The following LAMA1 variants were observed in gnomAD, a reference collection of about 807,000 sequenced individuals.
LAMA1 encodes the protein laminin subunit alpha-1.
Under a neutral mutation model 348.7 loss-of-function variants are expected in LAMA1, and 219 were observed. The observed-to-expected ratio is 0.63, with a 90% CI of 0.56 to 0.70. The LOEUF (loss-of-function observed/expected upper bound fraction) is 0.70. Ranked by LOEUF, LAMA1 falls within the 30% of genes least tolerant of loss-of-function variation. The pLI is 0.00. For missense variants in LAMA1, 3,744 were observed against 3,888.0 expected, an observed-to-expected ratio of 0.96 and a Z score of 0.99; for synonymous variants, 1,487 against 1,491.0, an observed-to-expected ratio of 1.00 and a Z score of 0.06.
At chr18:6,956,944 T>A in intron 55 of LAMA1, 179 bp from the exon 56 acceptor site, 1 of 679,752 alleles carries the variant, frequency 1.5e-6, no homozygotes, top group South Asian at 1.7e-5. Flanking sequence ...TATCTTAATA[T>A]TTCTTGTCTG....
At chr18:6,990,893 G>C (rs745872199) in intron 36 of LAMA1, among the ~76,000 whole-genome samples, 15 of 152,080 alleles carry the variant, frequency 9.9e-5, no homozygotes, top group African/African-American at 9.7e-5. Flanking sequence ...GCTTAACATA[G>C]GGCAAGTTAC....
intron 29 of LAMA1, 43 bp from the exon 30 acceptor site, chr18:7,002,428 T>G: frequency 6.2e-7 from 1 of 1,607,788 alleles, no homozygotes; most frequent in South Asian, 1.1e-5. Context: ...AATGGGAAAT[T>G]GTTAGAAATC....
chr18:6,956,699 TTC>T lies in LAMA1; in HGVS notation c.8029_8030del (p.Glu2677LysfsTer3). On this transcript the variant is annotated frameshift_variant, in exon 56 of 63. Coordinates refer to ENST00000389658, the MANE Select transcript of LAMA1 (RefSeq NM_005559.4). LOFTEE classifies it high-confidence loss of function. ...CTGCATCGGGAGCCAGCTTAGGCCTTTCTGACAGCCAGCAGGTGTCCAGGTCG... is the reference window on the plus strand; with the variant it reads ...CTGCATCGGGAGCCAGCTTAGGCCTTTGACAGCCAGCAGGTGTCCAGGTCG... ...QVDLDTCWLS[E>X]RPKLAPDAED... is the part of the protein sequence containing the mutation. The T allele has an allele frequency of 6.2e-7, 1 of 1,614,200 alleles. No homozygotes were observed.
At chr18:6,947,412 C>T in intron 60 of LAMA1, 116 bp from the exon 61 acceptor site, 2 of 1,221,936 alleles carry the variant, frequency 1.6e-6, no homozygotes, top group African/African-American at 1.5e-5. Flanking sequence ...TTGGATCCAG[C>T]TGCATCCCCA....
intron 27 of LAMA1, among the ~76,000 whole-genome samples, chr18:7,008,814 T>G (rs533455492): frequency 6.6e-6 from 1 of 152,334 alleles, no homozygotes; most frequent in African/African-American, 2.4e-5. Flanking sequence ...AATTTAAAAA[T>G]AATGTGACAC....
intron 55 of LAMA1, 50 bp downstream of exon 55, chr18:6,958,427 C>T: frequency 6.3e-7 from 1 of 1,587,430 alleles, no homozygotes; most frequent in South Asian, 1.1e-5. Flanking sequence ...TTAGCACTCA[C>T]CATGAAAGGT....
chr18:7,060,492 A>G (rs2058098252), intron 3 of LAMA1, among the ~76,000 whole-genome samples: 1 of 152,150 alleles, frequency 6.6e-6, no homozygotes, highest in Non-Finnish European at 1.5e-5. Context: ...CAGGCTGCCA[A>G]TAGTGATAAA....
intron 34 of LAMA1, among the ~76,000 whole-genome samples, chr18:6,994,773 T>C (rs190724894): frequency 3.1e-4 from 47 of 152,218 alleles, no homozygotes; most frequent in Admixed American, 2.6e-3. Flanking sequence ...GGGGAGATTC[T>C]TTTTTAGGTC....
intron 56 of LAMA1, chr18:6,955,688 C>G: frequency 1.5e-6 from 1 of 647,046 alleles, no homozygotes; most frequent in East Asian, 2.9e-5. Context: ...TCACCTTAAT[C>G]CCACTCGGCT....
chr18:7,074,618 A>G (rs1393276772), intron 3 of LAMA1, among the ~76,000 whole-genome samples: 1 of 152,096 alleles, frequency 6.6e-6, no homozygotes, highest in Non-Finnish European at 1.5e-5. Context: ...GGAGACCACA[A>G]CATATATGTT....
intron 5 of LAMA1, among the ~76,000 whole-genome samples, chr18:7,048,746 A>C (rs878938764): frequency 6.6e-6 from 1 of 152,190 alleles, no homozygotes; most frequent in Non-Finnish European, 1.5e-5. Flanking sequence ...AAACTTTAAA[A>C]TTTGATATGA....
At chr18:7,007,925 A>G (rs1375156202) in intron 28 of LAMA1, among the ~76,000 whole-genome samples, 4 of 151,556 alleles carry the variant, frequency 2.6e-5, no homozygotes, top group African/African-American at 9.7e-5. Context: ...TTATTTATTT[A>G]TTTATTTATT....
chr18:6,944,889 A>G (rs2057515160), intron 61 of LAMA1, among the ~76,000 whole-genome samples: 1 of 152,196 alleles, frequency 6.6e-6, no homozygotes, highest in Non-Finnish European at 1.5e-5. Flanking sequence ...TTCTAGGTGG[A>G]CTGTGACAAT....
rs372517307 is a variant in LAMA1 at position 6,961,753 on chromosome 18, G to A, written c.7459C>T (p.Arg2487Trp). The A allele has an allele frequency of 1.2e-5, 19 of 1,613,946 alleles. No homozygotes were observed. Among genetic ancestry groups the A allele is most frequent in the African/African-American group, 4.0e-5 (3 of 74,916 alleles). Residue 2487 changes from arginine to tryptophan, a missense_variant, in exon 53 of 63, where the codon CGG (arginine) becomes TGG (tryptophan). By Grantham distance (101) the Arg-to-Trp change is moderately radical. Coordinates refer to ENST00000389658, the MANE Select transcript of LAMA1 (RefSeq NM_005559.4). ...VRKGCLLEPIRSVSFLKGGYI... is the reference protein window; with the variant it reads ...VRKGCLLEPIWSVSFLKGGYI... Reference sequence around the variant, plus strand: ...CCGCCTTTCAGGAAGCTAACACTCCGGATGGGCTGGACACAGAGGAGATGG... The same window carrying A: ...CCGCCTTTCAGGAAGCTAACACTCCAGATGGGCTGGACACAGAGGAGATGG...
At chr18:7,098,550 G>A (rs1456691879) in intron 1 of LAMA1, among the ~76,000 whole-genome samples, 17 of 151,214 alleles carry the variant, frequency 1.1e-4, no homozygotes, top group Admixed American at 9.2e-4. Flanking sequence ...GACCCCGTCT[G>A]GGAGGTGAGG....
At chr18:7,024,242 G>A in intron 18 of LAMA1, 138 bp downstream of exon 18, 1 of 672,994 alleles carries the variant, frequency 1.5e-6, no homozygotes, top group Non-Finnish European at 2.6e-6. Flanking sequence ...ATGAAATACT[G>A]ATTTTTCTCA....
chr18:7,110,318 AAG>A (rs1457477765), intron 1 of LAMA1, among the ~76,000 whole-genome samples: 5 of 152,210 alleles, frequency 3.3e-5, no homozygotes, highest in Non-Finnish European at 7.3e-5. Context: ...AAACAAAATT[AAG>A]AGAGACAATT....
chr18:7,103,808 G>A (rs1401772656), intron 1 of LAMA1, among the ~76,000 whole-genome samples: 2 of 149,806 alleles, frequency 1.3e-5, no homozygotes, highest in African/African-American at 4.9e-5. Context: ...GACAGAGTAA[G>A]ACTCCGTCTT....
At chr18:7,023,760 C>G (rs1433226103) in intron 18 of LAMA1, among the ~76,000 whole-genome samples, 1 of 152,192 alleles carries the variant, frequency 6.6e-6, no homozygotes, top group African/African-American at 2.4e-5. Flanking sequence ...CACCTGTCAT[C>G]TCCAGAACAG....
Sources: allele counts gnomAD v4.1 joint callset (sites outside exome capture counted in the v4.1 genomes callset), GRCh38; gene constraint gnomAD v4.1.1; transcripts MANE v1.5; gene names NCBI Gene and HGNC (gene_info 2026-07-23, HGNC 2026-07-21).